The following SKA1 variants were observed in gnomAD, a reference collection of about 807,000 sequenced individuals.
SKA1 encodes SKA complex subunit 1.
In SKA1, 20 loss-of-function variants were observed where a neutral mutation model predicts 31.8. The observed-to-expected ratio is 0.63, with a 90% CI of 0.44 to 0.91. The LOEUF is 0.91. SKA1 is among the 40% of genes least tolerant of loss of function. The pLI is 0.00. For synonymous variants in SKA1, 88 were observed against 100.5 expected, an observed-to-expected ratio of 0.88 and a Z score of 0.74; for missense variants, 253 against 298.2, an observed-to-expected ratio of 0.85 and a Z score of 1.12.
At chr18:50,391,351 C>A (rs973759635) in intron 6 of SKA1, 58 bp downstream of exon 6, 25 of 1,332,792 alleles carry the variant, frequency 1.9e-5, no homozygotes, top group Non-Finnish European at 2.4e-5. Context: ...AACTAAATCA[C>A]GAGAAATGTA....
intron 3 of SKA1, among the ~76,000 whole-genome samples, chr18:50,381,387 C>T (rs2149320066): frequency 6.6e-6 from 1 of 152,308 alleles, no homozygotes; most frequent in South Asian, 2.1e-4. Flanking sequence ...TCATGCTTGC[C>T]AGCTGGGTAT....
intron 2 of SKA1, among the ~76,000 whole-genome samples, chr18:50,377,831 TC>T (rs2041232295): frequency 6.6e-6 from 1 of 152,234 alleles, no homozygotes; most frequent in Non-Finnish European, 1.5e-5. Context: ...ATATTCTCAG[TC>T]CTGTATTGAT....
intron 6 of SKA1, among the ~76,000 whole-genome samples, chr18:50,391,753 C>T (rs1055095021): frequency 1.3e-5 from 2 of 152,194 alleles, no homozygotes; most frequent in African/African-American, 4.8e-5. Context: ...TGTTATTACT[C>T]CCAATTTGTA....
At chr18:50,384,114 G>T (rs762661186) in intron 4 of SKA1, among the ~76,000 whole-genome samples, 6 of 152,032 alleles carry the variant, frequency 3.9e-5, no homozygotes, top group African/African-American at 1.4e-4. Context: ...TACATTTCTT[G>T]TTACCTTTTT....
At chr18:50,384,703 TGGTGGGGTCGGGG>T (rs2041289341) in intron 4 of SKA1, among the ~76,000 whole-genome samples, 1 of 62,592 alleles carries the variant, frequency 1.6e-5, no homozygotes, top group African/African-American at 7.5e-5. Context: ...CTGGGGACTG[TGGTGGGGTCGGGG>T]GAGGGGGGAG....
chr18:50,393,339 A>T lies in SKA1; in HGVS notation c.*1092A>T, dbSNP rs1036564965. 1 of 152,226 alleles carries T rather than the reference A, an allele frequency of 6.6e-6. No homozygotes were observed. The highest frequency in any genetic ancestry group is 1.5e-5 in the Non-Finnish European group (1 of 68,080). 9.4% of individuals were successfully genotyped at this position (152,226 alleles called of 1,614,324 possible). A position where few individuals can be genotyped will look rare whatever the true frequency, so the allele number is the denominator to read the frequency against. On this transcript the variant is annotated 3_prime_UTR_variant, in exon 7 of 7. Coordinates refer to ENST00000285116, the MANE Select transcript of SKA1 (RefSeq NM_145060.4). ...AAAAAGAAAAAAAGACTGGGTACAG[A>T]TGTGATATTGGAAGAAAAAGATCAA...
Position 50,375,818 on chromosome 18 carries a change from A to C in SKA1, c.-11-2A>C. On this transcript the variant is annotated splice_acceptor_variant, in intron 1 of 6. Transcript: ENST00000285116. LOFTEE classifies it low-confidence loss of function (5UTR_SPLICE). ...CGAATATGTTTATGTTTTTTTCTTCAGAGGCTTAAAGGATGGCCTCGTCAG... is the reference window on the plus strand; with the variant it reads ...CGAATATGTTTATGTTTTTTTCTTCCGAGGCTTAAAGGATGGCCTCGTCAG... 6.4e-7 allele frequency: 1 copy of C among 1,552,926 alleles called. No homozygotes were observed. The highest frequency in any genetic ancestry group is 8.7e-7 in the Non-Finnish European group (1 of 1,148,464).
At chr18:50,381,591 T>C (rs2041262646) in intron 3 of SKA1, among the ~76,000 whole-genome samples, 3 of 152,148 alleles carry the variant, frequency 2.0e-5, no homozygotes, top group Non-Finnish European at 4.4e-5. Context: ...ATTATAGTGA[T>C]TGTTCCCTGA....
At chr18:50,379,089 A>G (rs2041244038) in intron 2 of SKA1, among the ~76,000 whole-genome samples, 1 of 152,186 alleles carries the variant, frequency 6.6e-6, no homozygotes, top group Non-Finnish European at 1.5e-5. Flanking sequence ...GTCTGCTTTT[A>G]CTTATGTGTA....
rs1425922869 is a variant in SKA1 at position 50,375,192 on chromosome 18, G to A, written c.-14G>A. ...TAGCCTTTTGCTCCCGGACGGACTT[G>A]AGGTTGGAGTCTGTGTGTTGGGGAC... is the stretch of plus-strand genomic sequence containing the variant. On this transcript the variant is annotated splice_region_variant and 5_prime_UTR_variant, in exon 1 of 7. Transcript: ENST00000285116. The A allele has an allele frequency of 2.0e-5, 3 of 152,544 alleles. No homozygotes were observed. Among genetic ancestry groups the A allele is most frequent in the African/African-American group, 7.2e-5 (3 of 41,484 alleles). 9.4% of individuals were successfully genotyped at this position (152,544 alleles called of 1,614,324 possible). A position where few individuals can be genotyped will look rare whatever the true frequency, so the allele number is the denominator to read the frequency against.
chr18:50,388,692 T>G (rs778130018), intron 5 of SKA1, among the ~76,000 whole-genome samples: 13 of 152,186 alleles, frequency 8.5e-5, no homozygotes, highest in Non-Finnish European at 1.6e-4. Context: ...GTCAAGTAGT[T>G]TTCCTTGAGG....
intron 5 of SKA1, among the ~76,000 whole-genome samples, chr18:50,386,061 T>C (rs1010480049): frequency 6.6e-6 from 1 of 152,230 alleles, no homozygotes; most frequent in African/African-American, 2.4e-5. Context: ...CAGATTTTAT[T>C]TGACTATACA....
rs2041295986 is a variant in SKA1, at chr18:50,385,081, G to C, written c.312-135G>C. On this transcript the variant is annotated intron_variant, in intron 4 of 6. Transcript: ENST00000285116. ...AATGTTCATGAACAATAGACATAGG[G>C]ATAGAAAAAAATGTTGGCAATAAGA... is the stretch of plus-strand genomic sequence containing the variant. 8 of 666,350 alleles carry C rather than the reference G, an allele frequency of 1.2e-5. No individual in the cohort carries two copies. The South Asian group carries it at 2.3e-4, about 20-fold the overall frequency. 41.3% of individuals were successfully genotyped at this position (666,350 alleles called of 1,614,324 possible).
rs1215140547 is a variant in SKA1, at chr18:50,391,200, T to C, written c.526T>C (p.Tyr176His). Residue 176 changes from tyrosine to histidine, a missense_variant, in exon 6 of 7, where the codon TAT becomes CAT. Coordinates refer to ENST00000285116, the MANE Select transcript of SKA1 (RefSeq NM_145060.4). ...AATCAACAAGGCAGTAATTAGTAAA[T>C]ATAAAATCCTACATCAGCCAAAAAA... The part of the protein sequence containing the change: ...KEINKAVISK[Y>H]KILHQPKKSM... The C allele has an allele frequency of 1.2e-6, 2 of 1,605,874 alleles. No homozygotes were observed.
At chr18:50,382,983 C>G (rs8095064) in intron 4 of SKA1, among the ~76,000 whole-genome samples, 69,934 of 152,082 alleles carry the variant, frequency 0.46, 17,442 homozygotes, top group East Asian at 0.71. Context: ...GCGGTGAGCC[C>G]TGATGGTGCT....
intron 2 of SKA1, among the ~76,000 whole-genome samples, chr18:50,376,232 G>C (rs900681705): frequency 1.3e-5 from 2 of 152,194 alleles, no homozygotes; most frequent in Non-Finnish European, 2.9e-5. Context: ...ACAGTCATGC[G>C]TTCCTTAATG....
In SKA1 at chr18:50,392,729, T is replaced by G. The variant is rs1163439484; in HGVS notation, c.*482T>G. On this transcript the variant is annotated 3_prime_UTR_variant, in exon 7 of 7. Transcript: ENST00000285116. ...ATAAAGCTTATTTCTTGTTTTTTTCTTTTTCTTTTTTTTTTTTTTTGAGAC... is the reference window on the plus strand; with the variant it reads ...ATAAAGCTTATTTCTTGTTTTTTTCGTTTTCTTTTTTTTTTTTTTTGAGAC... 1 of 103,314 alleles carries G rather than the reference T, an allele frequency of 9.7e-6. No individual in the cohort carries two copies. Among genetic ancestry groups the G allele is most frequent in the Non-Finnish European group, 1.8e-5 (1 of 55,562 alleles). 6.4% of individuals were successfully genotyped at this position (103,314 alleles called of 1,614,324 possible).
intron 5 of SKA1, among the ~76,000 whole-genome samples, chr18:50,389,375 C>CTTTTTTTT (rs756288352): frequency 5.8e-5 from 5 of 86,138 alleles, no homozygotes; most frequent in African/African-American, 2.0e-4. Flanking sequence ...CTTTACCTTT[C>CTTTTTTTT]TTTTTTTTTT....
At chr18:50,380,037 C>G (rs2041250952) in intron 2 of SKA1, 89 bp from the exon 3 acceptor site, 17 of 1,120,148 alleles carry the variant, frequency 1.5e-5, no homozygotes, top group Non-Finnish European at 1.9e-5. Context: ...CTCTAAGGTA[C>G]AGCTATCTAT....
Sources: gnomAD v4.1 joint callset for allele counts (sites outside exome capture counted in the v4.1 genomes callset) on GRCh38, gnomAD v4.1.1 for gene constraint, MANE v1.5 for transcripts, NCBI Gene and HGNC (gene_info 2026-07-23, HGNC 2026-07-21) for gene names.